LINGO2: variants seen among roughly 807,000 people sequenced by gnomAD.
LINGO2 encodes the protein leucine-rich repeat and immunoglobulin-like domain-containing nogo receptor-interacting protein 2.
In LINGO2, 14 loss-of-function variants were observed where a neutral mutation model predicts 30.6. That is an observed-to-expected ratio of 0.46 (90% CI 0.30 to 0.72). The LOEUF (loss-of-function observed/expected upper bound fraction) is 0.72, where lower values mean the gene tolerates loss of function less well. Among genes scored for constraint, LINGO2 ranks in the 30% least tolerant of loss-of-function variants. The probability of loss-of-function intolerance (pLI) is 0.07; values close to 1 mark genes in which losing one functional copy is unlikely to be tolerated. For synonymous variants in LINGO2, 317 were observed against 288.5 expected, an observed-to-expected ratio of 1.10 and a Z score of -1.00; for missense variants, 729 against 751.7, an observed-to-expected ratio of 0.97 and a Z score of 0.35.
At chr9:28,972,782 G>T in the LINGO2 span, among the ~76,000 whole-genome samples, 1 of 152,098 alleles carries the variant, frequency 6.6e-6, no homozygotes, top group Admixed American at 6.6e-5. Context: ...TTACATGGTG[G>T]CAGGCAAGAA....
At chr9:28,558,016 G>T (rs1822833290) in intron 1 of LINGO2, among the ~76,000 whole-genome samples, 1 of 115,814 alleles carries the variant, frequency 8.6e-6, no homozygotes, top group South Asian at 3.5e-4. Context: ...GGAGGGGGGA[G>T]GGATAGCATT....
At chr9:28,602,983 T>C (rs764277397) in intron 1 of LINGO2, among the ~76,000 whole-genome samples, 11 of 152,058 alleles carry the variant, frequency 7.2e-5, no homozygotes, top group Non-Finnish European at 1.5e-4. Context: ...GTTGTTCTTA[T>C]ACAATTTAGG....
At chr9:28,288,132 T>A (rs1188274669) in intron 4 of LINGO2, among the ~76,000 whole-genome samples, 1 of 152,136 alleles carries the variant, frequency 6.6e-6, no homozygotes, top group Non-Finnish European at 1.5e-5. Flanking sequence ...TTTAAAAACA[T>A]ATATATAAAT....
intron 3 of LINGO2, among the ~76,000 whole-genome samples, chr9:28,350,377 G>C (rs370490180): frequency 2.4e-3 from 349 of 147,540 alleles, no homozygotes; most frequent in African/African-American, 8.1e-3. Flanking sequence ...AGACTTTAAA[G>C]CAACAAAGAT....
At chr9:28,535,683 A>G (rs1821407891) in intron 1 of LINGO2, among the ~76,000 whole-genome samples, 1 of 151,832 alleles carries the variant, frequency 6.6e-6, no homozygotes, top group African/African-American at 2.4e-5. Context: ...ACATATGTAC[A>G]CCACATGAGT....
the LINGO2 span, among the ~76,000 whole-genome samples, chr9:29,090,166 T>G: frequency 6.6e-6 from 1 of 152,160 alleles, no homozygotes; most frequent in Non-Finnish European, 1.5e-5. Flanking sequence ...CTCCCATATC[T>G]TTGCTAATAT....
chr9:28,137,618 G>A (rs1450236573), intron 4 of LINGO2, among the ~76,000 whole-genome samples: 1 of 151,642 alleles, frequency 6.6e-6, no homozygotes, highest in Non-Finnish European at 1.5e-5. Flanking sequence ...TTTCTTACTG[G>A]AATTTTTTAA....
intron 1 of LINGO2, among the ~76,000 whole-genome samples, chr9:28,585,087 T>A (rs7046851): frequency 0.085 from 12,902 of 151,928 alleles, 714 homozygotes; most frequent in East Asian, 0.19. Context: ...CACAGAAGTA[T>A]AATCAAGGAA....
the LINGO2 span, among the ~76,000 whole-genome samples, chr9:28,923,497 C>T: frequency 3.3e-5 from 5 of 152,102 alleles, no homozygotes; most frequent in African/African-American, 1.2e-4. Flanking sequence ...CCACTAAAAA[C>T]TGATCCACCA....
At chr9:28,334,469 A>G (rs140505621) in intron 3 of LINGO2, among the ~76,000 whole-genome samples, 29 of 152,340 alleles carry the variant, frequency 1.9e-4, no homozygotes, top group African/African-American at 6.5e-4. Context: ...ATCTAAAATC[A>G]TATACTTTAA....
At chr9:29,191,144 A>T in the LINGO2 span, among the ~76,000 whole-genome samples, 1 of 152,236 alleles carries the variant, frequency 6.6e-6, no homozygotes, top group Non-Finnish European at 1.5e-5. Flanking sequence ...TCACATTCTT[A>T]GTCAATAAGA....
rs562218664 is a variant in LINGO2 at position 28,324,688 on chromosome 9, A to T, written c.-245-29322T>A. 1.8e-3 allele frequency among the ~76,000 whole-genome samples: 276 copies of T among 152,256 alleles called. 1 individual carries two copies. The highest frequency in any genetic ancestry group is 6.1e-3 in the African/African-American group (254 of 41,558). On this transcript the variant is annotated intron_variant, in intron 3 of 5. Coordinates refer to ENST00000379992, the Ensembl canonical transcript of LINGO2. ...AACACCATGGCAACATCAGGAAGTT[A>T]CCCTATATGGTCTAAAAAGGGGAGG...
Position 28,092,554 on chromosome 9 carries a change from G to T in LINGO2, c.-86-80149C>A, listed in dbSNP as rs377521233. Among the ~76,000 whole-genome samples, 60 of 148,708 alleles carry T rather than the reference G, an allele frequency of 4.0e-4. No individual in the cohort carries two copies. The East Asian group carries it at 9.6e-3, about 24-fold the overall frequency. Reference sequence around the variant, plus strand: ...CACACCAGGGCCTGTTGTGCGGTGGGGGGGAGGGGGGAGGGATAGCATTAA... The same window carrying T: ...CACACCAGGGCCTGTTGTGCGGTGGTGGGGAGGGGGGAGGGATAGCATTAA... On this transcript the variant is annotated intron_variant, in intron 4 of 5. Coordinates refer to ENST00000379992, the Ensembl canonical transcript of LINGO2.
At chr9:28,286,913 CAA>C (rs1330920606) in intron 4 of LINGO2, among the ~76,000 whole-genome samples, 1 of 152,120 alleles carries the variant, frequency 6.6e-6, no homozygotes, top group Non-Finnish European at 1.5e-5. Flanking sequence ...CCCCATGACA[CAA>C]GTTTACCTGT....
At chr9:27,992,273 CAAG>C (rs1007024665) in intron 5 of LINGO2, among the ~76,000 whole-genome samples, 24 of 152,002 alleles carry the variant, frequency 1.6e-4, no homozygotes, top group African/African-American at 5.3e-4. Context: ...ATACTAATCC[CAAG>C]AAGGGCAGTG....
chr9:28,440,368 C>T (rs1824143116), intron 2 of LINGO2, among the ~76,000 whole-genome samples: 1 of 152,128 alleles, frequency 6.6e-6, no homozygotes, highest in Non-Finnish European at 1.5e-5. Context: ...TAAGGGCAGA[C>T]ACAAGACATT....
At chr9:28,232,859 G>T (rs980720255) in intron 4 of LINGO2, among the ~76,000 whole-genome samples, 5 of 150,010 alleles carry the variant, frequency 3.3e-5, no homozygotes, top group Non-Finnish European at 7.4e-5. Context: ...CATGCATCTG[G>T]GGAAAAAAAA....
chr9:29,159,469 G>A, the LINGO2 span, among the ~76,000 whole-genome samples: 1 of 152,110 alleles, frequency 6.6e-6, no homozygotes. Context: ...AGTTTCCTAA[G>A]ACATTATAAA....
At chr9:28,018,999 G>A (rs1822979149) in intron 4 of LINGO2, among the ~76,000 whole-genome samples, 1 of 152,092 alleles carries the variant, frequency 6.6e-6, no homozygotes, top group South Asian at 2.1e-4. Context: ...GGAGCTGGGG[G>A]CCATCATCCT....
Sources: gnomAD v4.1 joint callset for allele counts (sites outside exome capture counted in the v4.1 genomes callset) on GRCh38, gnomAD v4.1.1 for gene constraint, MANE v1.5 for transcripts, NCBI Gene and HGNC (gene_info 2026-07-23, HGNC 2026-07-21) for gene names.